The following LAMC1 variants were observed in gnomAD, a reference collection of about 807,000 sequenced individuals.
LAMC1 encodes laminin subunit gamma 1.
Under a neutral mutation model 173.6 loss-of-function variants are expected in LAMC1, and 38 were observed. That is an observed-to-expected ratio of 0.22 (90% CI 0.17 to 0.29). The LOEUF (loss-of-function observed/expected upper bound fraction) is 0.29, where lower values mean the gene tolerates loss of function less well. Ranked by LOEUF, LAMC1 falls within the 10% of genes least tolerant of loss-of-function variation. The pLI, the probability that LAMC1 is intolerant of heterozygous loss-of-function variation, is 1.00. For missense variants in LAMC1, 1,824 were observed against 2,051.8 expected, an observed-to-expected ratio of 0.89 and a Z score of 2.14; for synonymous variants, 746 against 749.1, an observed-to-expected ratio of 1.00 and a Z score of 0.07.
Position 183,125,323 on chromosome 1 carries a change from C to G in LAMC1, c.2648-74C>G, listed in dbSNP as rs1237160296. ...CTGGCAACACAGGTCTAAAGAATCTCTTTAGGTTGTTTATATTTTAGTATT... is the reference window on the plus strand; with the variant it reads ...CTGGCAACACAGGTCTAAAGAATCTGTTTAGGTTGTTTATATTTTAGTATT... On this transcript the variant is annotated intron_variant, in intron 14 of 27. Transcript: ENST00000258341. 3 of 1,529,258 alleles carry G rather than the reference C, an allele frequency of 2.0e-6. No homozygotes were observed. In the African/African-American group the frequency reaches 4.1e-5, roughly 21 times the overall value. The allele number at this position is 1,529,258 out of a possible 1,614,324, so 94.7% of individuals were successfully genotyped here.
At chr1:183,046,828 A>T (rs985131327) in intron 1 of LAMC1, among the ~76,000 whole-genome samples, 2 of 150,716 alleles carry the variant, frequency 1.3e-5, no homozygotes, top group African/African-American at 2.5e-5. Context: ...GAATACATTT[A>T]AAAAAATTCC....
At chr1:183,064,529 T>C in intron 1 of LAMC1, among the ~76,000 whole-genome samples, 1 of 152,316 alleles carries the variant, frequency 6.6e-6, no homozygotes, top group South Asian at 2.1e-4. Flanking sequence ...TGTATATTTT[T>C]AAAAGATTAA....
intron 4 of LAMC1, among the ~76,000 whole-genome samples, chr1:183,113,623 G>C (rs1656228934): frequency 6.6e-6 from 1 of 152,146 alleles, no homozygotes; most frequent in Admixed American, 6.5e-5. Flanking sequence ...ATTTGGAGTT[G>C]AGGCTTCCCT....
intron 1 of LAMC1, among the ~76,000 whole-genome samples, chr1:183,047,309 AG>A: frequency 6.6e-6 from 1 of 152,276 alleles, no homozygotes; most frequent in South Asian, 2.1e-4. Context: ...GCATTGATAG[AG>A]GGACTTGGGT....
Position 183,051,083 on chromosome 1 carries a change from A to G in LAMC1, c.418+26949A>G, listed in dbSNP as rs550383202. On this transcript the variant is annotated intron_variant, in intron 1 of 27. Coordinates refer to ENST00000258341, the MANE Select transcript of LAMC1 (RefSeq NM_002293.4). ...TTTACTTTTCAATATTCAATAGTTA[A>G]TAAGTCACAGCTGTCTAGGATGCAA... 5.3e-5 allele frequency among the ~76,000 whole-genome samples: 8 copies of G among 152,220 alleles called. No homozygotes were observed. In the South Asian group the frequency reaches 6.2e-4, roughly 12 times the overall value.
chr1:183,077,788 A>ATATATATATG, intron 1 of LAMC1, among the ~76,000 whole-genome samples: 1 of 142,372 alleles, frequency 7.0e-6, no homozygotes, highest in African/African-American at 2.5e-5. Context: ...ATATATATAT[A>ATATATATATG]TATATATACA....
chr1:183,124,628 C>T lies in LAMC1; in HGVS notation c.2402-3C>T, dbSNP rs764544805. On this transcript the variant is annotated splice_polypyrimidine_tract_variant and splice_region_variant and intron_variant, in intron 13 of 27. Coordinates refer to ENST00000258341, the MANE Select transcript of LAMC1 (RefSeq NM_002293.4). ...TCATAACATCAGATTGTCTCATCCCCAGGTAAGAGATGTGAGCTCTGTGAT... is the reference window on the plus strand; with the variant it reads ...TCATAACATCAGATTGTCTCATCCCTAGGTAAGAGATGTGAGCTCTGTGAT... 35 of 1,614,016 alleles carry T rather than the reference C, an allele frequency of 2.2e-5. No homozygotes were observed. The East Asian group carries it at 4.5e-4, about 21-fold the overall frequency.
At position 183,127,346 on chromosome 1, in the gene LAMC1, A is replaced by C; in HGVS notation, c.3065A>C (p.Asn1022Thr). 1.2e-6 allele frequency: 2 copies of C among 1,614,132 alleles called. No homozygotes were observed. Among genetic ancestry groups the C allele is most frequent in the South Asian group, 1.1e-5 (1 of 91,076 alleles). ...CAGTGTGAAGAAAACTATTTCTACA[A>C]TCGGTCTTGGCCTGGCTGCCAGGAA... ...CDQCEENYFY[N>T]RSWPGCQECP... The change falls in exon 17 of 28, where the codon AAT becomes ACT. Residue 1022 changes from asparagine (N) to threonine (T), a missense_variant. Coordinates refer to ENST00000258341, the MANE Select transcript of LAMC1 (RefSeq NM_002293.4).
At chr1:183,063,116 T>G (rs1316025036) in intron 1 of LAMC1, among the ~76,000 whole-genome samples, 1 of 152,214 alleles carries the variant, frequency 6.6e-6, no homozygotes, top group Non-Finnish European at 1.5e-5. Flanking sequence ...TGAATGTACC[T>G]TGTAATATTT....
chr1:183,136,481 A>C lies in LAMC1; in HGVS notation c.4210A>C (p.Lys1404Gln). 6.2e-7 allele frequency: 1 copy of C among 1,614,242 alleles called. No homozygotes were observed. Among genetic ancestry groups the C allele is most frequent in the Non-Finnish European group, 8.5e-7 (1 of 1,180,038 alleles). ...CCAGACCATCACTGAAGCCAATGAAAAGACCAGAGAAGCCCAGCAGGCCCT... is the reference window on the plus strand; with the variant it reads ...CCAGACCATCACTGAAGCCAATGAACAGACCAGAGAAGCCCAGCAGGCCCT... ...INQTITEANE[K>Q]TREAQQALGS... Residue 1404 changes from lysine (K) to glutamine (Q), a missense_variant, in exon 25 of 28, where the codon AAG (lysine) becomes CAG (glutamine). Lys to Gln is a moderately conservative substitution (Grantham distance 53). Coordinates refer to ENST00000258341, the MANE Select transcript of LAMC1 (RefSeq NM_002293.4).
At chr1:183,122,335 C>A in intron 13 of LAMC1, 84 bp downstream of exon 13, 1 of 1,315,604 alleles carries the variant, frequency 7.6e-7, no homozygotes, top group Non-Finnish European at 1.1e-6. Context: ...TGTTTTGGAT[C>A]TTTGTGTTTG....
chr1:183,113,409 AAAC>A (rs1359311756), intron 4 of LAMC1, among the ~76,000 whole-genome samples: 2 of 152,212 alleles, frequency 1.3e-5, no homozygotes, highest in Admixed American at 6.5e-5. Flanking sequence ...TATTTTTTTT[AAAC>A]AACATCCTGT....
chr1:183,113,012 T>G (rs1396796253), intron 4 of LAMC1, among the ~76,000 whole-genome samples: 1 of 151,950 alleles, frequency 6.6e-6, no homozygotes, highest in Non-Finnish European at 1.5e-5. Context: ...TCTGCAAAAA[T>G]AAAAAATAAA....
At chr1:183,131,021 A>G (rs1656769252) in intron 19 of LAMC1, among the ~76,000 whole-genome samples, 1 of 152,102 alleles carries the variant, frequency 6.6e-6, no homozygotes, top group African/African-American at 2.4e-5. Flanking sequence ...CTAAAAATAC[A>G]AAATTAGCCG....
intron 6 of LAMC1, 59 bp downstream of exon 6, chr1:183,115,696 T>A: frequency 9.1e-7 from 1 of 1,093,914 alleles, no homozygotes; most frequent in Non-Finnish European, 1.4e-6. Context: ...CAACACATAT[T>A]AATAGATCTT....
chr1:183,072,204 G>A (rs1655027994), intron 1 of LAMC1, among the ~76,000 whole-genome samples: 1 of 152,210 alleles, frequency 6.6e-6, no homozygotes, highest in South Asian at 2.1e-4. Context: ...TGGAGGCACT[G>A]TTTGTCATAA....
chr1:183,139,995 T>G (rs763802177), intron 26 of LAMC1, among the ~76,000 whole-genome samples: 7 of 152,128 alleles, frequency 4.6e-5, no homozygotes, highest in Non-Finnish European at 8.8e-5. Context: ...AAGAGTGTCC[T>G]GAAGGACATG....
chr1:183,092,985 A>T (rs901889229), intron 1 of LAMC1, among the ~76,000 whole-genome samples: 2 of 152,042 alleles, frequency 1.3e-5, no homozygotes, highest in African/African-American at 4.8e-5. Context: ...TTTATAGAAA[A>T]ATTACTTAGT....
intron 1 of LAMC1, among the ~76,000 whole-genome samples, chr1:183,053,635 T>G (rs954682428): frequency 6.7e-6 from 1 of 150,180 alleles, no homozygotes; most frequent in Non-Finnish European, 1.5e-5. Flanking sequence ...TAGTTTTGGT[T>G]TTTTTTTTTT....
Sources: allele counts gnomAD v4.1 joint callset (sites outside exome capture counted in the v4.1 genomes callset), GRCh38; gene constraint gnomAD v4.1.1; transcripts MANE v1.5; gene names NCBI Gene and HGNC (gene_info 2026-07-23, HGNC 2026-07-21).